SCN8A: variants seen among roughly 807,000 people sequenced by gnomAD.
SCN8A encodes sodium channel protein type 8 subunit alpha.
A neutral mutation model predicts 184.1 loss-of-function variants in SCN8A; 30 were observed. The ratio of observed to expected loss-of-function variants is 0.16; its 90% CI spans 0.12 to 0.22. The LOEUF (loss-of-function observed/expected upper bound fraction) is 0.22, where lower values mean the gene tolerates loss of function less well. Among genes scored for constraint, SCN8A ranks in the 10% least tolerant of loss-of-function variants. The pLI, the probability that SCN8A is intolerant of heterozygous loss-of-function variation, is 1.00. For synonymous variants in SCN8A, 852 were observed against 907.0 expected, an observed-to-expected ratio of 0.94 and a Z score of 1.09; for missense variants, 1,057 against 2,498.9, an observed-to-expected ratio of 0.42 and a Z score of 12.30.
intron 12 of SCN8A, among the ~76,000 whole-genome samples, chr12:51,744,506 T>G (rs561522953): frequency 3.4e-5 from 5 of 148,590 alleles, no homozygotes; most frequent in South Asian, 2.2e-4. Context: ...GGGAAATCGG[T>G]TTTTTTTTTC....
At chr12:51,688,295 C>T (rs542752556) in intron 5 of SCN8A, among the ~76,000 whole-genome samples, 5 of 152,178 alleles carry the variant, frequency 3.3e-5, no homozygotes, top group Non-Finnish European at 5.9e-5. Context: ...GATTACAACT[C>T]CTGATTAAGT....
At chr12:51,711,898 T>C (rs1018046462) in intron 11 of SCN8A, among the ~76,000 whole-genome samples, 3 of 152,156 alleles carry the variant, frequency 2.0e-5, no homozygotes, top group Non-Finnish European at 1.5e-5. Flanking sequence ...ATGGGGAGAA[T>C]AGATTCCCCT....
chr12:51,615,140 ATT>A lies in SCN8A; in HGVS notation c.-55+23790_-55+23791del, dbSNP rs34557952. Among the ~76,000 whole-genome samples, 29 of 150,606 alleles carry A rather than the reference ATT, an allele frequency of 1.9e-4. No homozygotes were observed. In the East Asian group the frequency reaches 2.5e-3, roughly 13 times the overall value. On this transcript the variant is annotated intron_variant, in intron 1 of 26. Coordinates refer to ENST00000627620, the MANE Select transcript of SCN8A (RefSeq NM_001330260.2). ...TCTTTTGGATTATTTTTAATATTCT[ATT>A]TTTTTTTTACTGTTTTCATTATATA...
At position 51,797,006 on chromosome 12, in the gene SCN8A, T is replaced by C. The variant is rs544404428; in HGVS notation, c.4795+2365T>C. ...GTCCACTGACTCAAATTAAAAGTAA[T>C]GGCAAAAACTGCAATTACTTTTGCA... On this transcript the variant is annotated intron_variant, in intron 26 of 26. Coordinates refer to ENST00000627620, the MANE Select transcript of SCN8A (RefSeq NM_001330260.2). Among the ~76,000 whole-genome samples the C allele has an allele frequency of 3.9e-4, 59 of 152,236 alleles. 1 individual carries two copies. Among genetic ancestry groups the C allele is most frequent in the African/African-American group, 1.4e-3 (57 of 41,546 alleles).
chr12:51,735,082 T>C (rs1241830181), intron 12 of SCN8A, among the ~76,000 whole-genome samples: 1 of 152,244 alleles, frequency 6.6e-6, no homozygotes, highest in African/African-American at 2.4e-5. Flanking sequence ...TATTAATAGT[T>C]TCCACAAATC....
At chr12:51,595,554 A>G (rs1159605674) in intron 1 of SCN8A, among the ~76,000 whole-genome samples, 1 of 152,186 alleles carries the variant, frequency 6.6e-6, no homozygotes, top group Non-Finnish European at 1.5e-5. Context: ...CGACTCTGCT[A>G]TGTATTGGCT....
chr12:51,781,240 C>T (rs1042447496), intron 21 of SCN8A, among the ~76,000 whole-genome samples: 5 of 152,092 alleles, frequency 3.3e-5, no homozygotes, highest in Non-Finnish European at 4.4e-5. Flanking sequence ...GAAGATATGA[C>T]GGCAGGCCTG....
In SCN8A at chr12:51,807,330, C is replaced by T; in HGVS notation, c.5844C>T (p.Asp1948=). ...TPSTASLPSY[D]SVTKPEKEKQ... ...CTACAGCCTCCCTCCCGTCCTATGA[C>T]AGTGTAACTAAACCTGAAAAGGAGA... Residue 1948 remains aspartate (D), a synonymous_variant, in exon 27 of 27, where the codon GAC becomes GAT. Transcript: ENST00000627620. The surrounding 1 kb of genome is among the most constrained non-coding windows in gnomAD (Gnocchi z 4.5). 1 of 1,613,816 alleles carries T rather than the reference C, an allele frequency of 6.2e-7. No homozygotes were observed. Among genetic ancestry groups the T allele is most frequent in the South Asian group, 1.1e-5 (1 of 91,068 alleles).
At chr12:51,785,545 A>G (rs138213715) in intron 21 of SCN8A, among the ~76,000 whole-genome samples, 1,616 of 152,328 alleles carry the variant, frequency 0.011, 25 homozygotes, top group African/African-American at 0.034. Flanking sequence ...CTAAGGCAAA[A>G]CCAGAAGATA....
chr12:51,794,285 C>A, intron 25 of SCN8A, 86 bp from the exon 26 acceptor site: 1 of 1,362,242 alleles, frequency 7.3e-7, no homozygotes, highest in South Asian at 1.4e-5. Context: ...GGAGAGGGTA[C>A]CTCGATTAGC....
intron 6 of SCN8A, among the ~76,000 whole-genome samples, chr12:51,691,946 C>T (rs966597480): frequency 2.6e-5 from 4 of 152,160 alleles, no homozygotes; most frequent in East Asian, 1.9e-4. Context: ...CCTTCCAAGG[C>T]GGGAGCACCA....
chr12:51,610,019 A>C (rs1419902997), intron 1 of SCN8A, among the ~76,000 whole-genome samples: 1 of 151,838 alleles, frequency 6.6e-6, no homozygotes, highest in East Asian at 1.9e-4. Context: ...AAAATACAAA[A>C]ATAAGCCGGG....
chr12:51,680,891 G>A (rs1206058112), intron 2 of SCN8A, among the ~76,000 whole-genome samples: 3 of 152,072 alleles, frequency 2.0e-5, no homozygotes, highest in South Asian at 4.2e-4. Flanking sequence ...GTAATCTCAA[G>A]TACTGGGGAG....
intron 1 of SCN8A, among the ~76,000 whole-genome samples, chr12:51,603,006 T>G (rs1939501252): frequency 6.6e-6 from 1 of 152,216 alleles, no homozygotes; most frequent in African/African-American, 2.4e-5. Context: ...AGCTTTTGTT[T>G]TATTTTTTCT....
chr12:51,805,033 G>A (rs1213856485), intron 26 of SCN8A, among the ~76,000 whole-genome samples: 1 of 152,106 alleles, frequency 6.6e-6, no homozygotes, highest in African/African-American at 2.4e-5. Flanking sequence ...TATTGTTTGT[G>A]GATATGGAAA....
intron 15 of SCN8A, among the ~76,000 whole-genome samples, chr12:51,763,538 G>A (rs1035802093): frequency 3.2e-4 from 48 of 152,322 alleles, no homozygotes; most frequent in African/African-American, 1.1e-3. Flanking sequence ...GTATTATATT[G>A]AAATTAGTTG....
At chr12:51,594,986 A>C (rs1939313531) in intron 1 of SCN8A, among the ~76,000 whole-genome samples, 1 of 152,214 alleles carries the variant, frequency 6.6e-6, no homozygotes, top group South Asian at 2.1e-4. Context: ...TGTAATGTGA[A>C]AGAATTCACT....
intron 26 of SCN8A, among the ~76,000 whole-genome samples, chr12:51,801,300 G>T (rs1474615558): frequency 6.6e-6 from 1 of 152,172 alleles, no homozygotes; most frequent in Non-Finnish European, 1.5e-5. Flanking sequence ...TTAAGTGACT[G>T]CAGTTCCCAC....
Position 51,662,828 on chromosome 12 carries a change from G to A in SCN8A, c.11G>A (p.Arg4Gln), listed in dbSNP as rs751889285. The A allele has an allele frequency of 1.2e-5, 19 of 1,613,636 alleles. No individual in the cohort carries two copies. Among genetic ancestry groups the A allele is most frequent in the East Asian group, 2.2e-5 (1 of 44,884 alleles). Reference protein sequence around the residue: MAARLLAPPGPDSF... With the variant: MAAQLLAPPGPDSF... Reference sequence around the variant, plus strand: ...CTGCAGGATGAGAAGATGGCAGCGCGGCTGCTTGCACCACCAGGCCCTGAT... The same window carrying A: ...CTGCAGGATGAGAAGATGGCAGCGCAGCTGCTTGCACCACCAGGCCCTGAT... The change falls in exon 2 of 27, where the codon CGG becomes CAG. Residue 4 changes from arginine (R) to glutamine (Q), a missense_variant. Arg to Gln is a conservative substitution (Grantham distance 43, BLOSUM62 1). Coordinates refer to ENST00000627620, the MANE Select transcript of SCN8A (RefSeq NM_001330260.2).
Sources: gnomAD v4.1 joint callset for allele counts (sites outside exome capture counted in the v4.1 genomes callset) on GRCh38, gnomAD v4.1.1 for gene constraint, Gnocchi (gnomAD v3.1) non-coding constraint, MANE v1.5 for transcripts, NCBI Gene and HGNC (gene_info 2026-07-23, HGNC 2026-07-21) for gene names.